Variants in RAB3IP observed in about 807,000 individuals in gnomAD.
RAB3IP encodes RAB3A interacting protein, also known as rab-3A-interacting protein.
RAB3IP carries 36 observed loss-of-function variants against 59.1 expected under a neutral mutation model. The observed-to-expected ratio is 0.61, with a 90% CI of 0.47 to 0.80. RAB3IP has a LOEUF of 0.80. Ranked by LOEUF, RAB3IP falls within the 30% of genes least tolerant of loss-of-function variation. The pLI, the probability that RAB3IP is intolerant of heterozygous loss-of-function variation, is 0.00. For synonymous variants in RAB3IP, 207 were observed against 191.2 expected (o/e 1.08, Z -0.68); for missense variants, 511 against 536.0 (o/e 0.95, Z 0.46).
At chr12:69,796,620 G>A (rs746358724) in intron 6 of RAB3IP, 18 of 627,640 alleles carry the variant, frequency 2.9e-5, no homozygotes, top group African/African-American at 9.1e-5. Context: ...GCATTTTGAC[G>A]AATTATCAAT....
chr12:69,780,169 A>G (rs550136526), intron 3 of RAB3IP, among the ~76,000 whole-genome samples: 2 of 152,150 alleles, frequency 1.3e-5, no homozygotes, highest in South Asian at 4.2e-4. Flanking sequence ...AACGACCCGA[A>G]CCTGGAAGCC....
At chr12:69,795,023 A>G (rs1317649759) in intron 5 of RAB3IP, 118 bp from the exon 6 acceptor site, 1 of 755,106 alleles carries the variant, frequency 1.3e-6, no homozygotes, top group East Asian at 2.7e-5. Flanking sequence ...ACTCCACAGG[A>G]AATACAAATT....
intron 3 of RAB3IP, among the ~76,000 whole-genome samples, chr12:69,761,843 G>A (rs930433251): frequency 1.3e-5 from 2 of 152,178 alleles, no homozygotes; most frequent in Non-Finnish European, 2.9e-5. Context: ...ACACTCTGAA[G>A]CAGATGTTCA....
intron 4 of RAB3IP, among the ~76,000 whole-genome samples, chr12:69,789,864 C>A (rs1415188774): frequency 2.0e-5 from 3 of 152,072 alleles, no homozygotes; most frequent in African/African-American, 7.2e-5. Context: ...GCAGAAAAAG[C>A]ATTTGACAAA....
Position 69,797,359 on chromosome 12 carries a change from G to C in RAB3IP, c.888+2015G>C, listed in dbSNP as rs148503366. 5.1e-3 allele frequency among the ~76,000 whole-genome samples: 780 copies of C among 152,084 alleles called. 3 individuals carry two copies. The highest frequency in any genetic ancestry group is 0.01 in the Middle Eastern group (3 of 294). ...GATTAAATGCTTGTAAAGTGCTTAC[G>C]GTGGTTCCTGGCAGAGTCAGCTCTT... On this transcript the variant is annotated intron_variant, in intron 6 of 10. Transcript: ENST00000247833.
At position 69,748,561 on chromosome 12, in the gene RAB3IP, A is replaced by G. The variant is rs527900511; in HGVS notation, c.-25-6823A>G. 2.6e-5 allele frequency among the ~76,000 whole-genome samples: 4 copies of G among 152,336 alleles called. No homozygotes were observed. The South Asian group carries it at 8.3e-4, about 32-fold the overall frequency. On this transcript the variant is annotated intron_variant, in intron 1 of 10. Coordinates refer to ENST00000247833, the MANE Select transcript of RAB3IP (RefSeq NM_022456.5). ...GATCAGAAGCAAATTGTTTTGATCA[A>G]CTTTTTCTTGTGGTCTGCAGTCTGC...
intron 3 of RAB3IP, among the ~76,000 whole-genome samples, chr12:69,779,792 G>A (rs976234356): frequency 2.6e-5 from 4 of 151,464 alleles, no homozygotes; most frequent in Non-Finnish European, 4.4e-5. Context: ...CAGCTAGTTT[G>A]ATTTTTATTC....
rs78294090 is a variant in RAB3IP, at chr12:69,816,179, G to T, written c.*733G>T. 11,532 of 152,220 alleles carry T rather than the reference G, an allele frequency of 0.076. 520 individuals carry two copies. Among genetic ancestry groups the T allele is most frequent in the South Asian group, 0.13 (633 of 4,824 alleles). The allele number at this position is 152,220 out of a possible 1,614,324, so 9.4% of individuals were successfully genotyped here. ...AAATGAGTTTGACGTGTGTCAAAGG[G>T]GTTTAAAGGGGTGTGGATTGAATGA... On this transcript the variant is annotated 3_prime_UTR_variant, in exon 11 of 11. Coordinates refer to ENST00000247833, the MANE Select transcript of RAB3IP (RefSeq NM_022456.5).
At position 69,810,692 on chromosome 12, in the gene RAB3IP, G is replaced by A. The variant is rs115589718; in HGVS notation, c.1131-2086G>A. Among the ~76,000 whole-genome samples the A allele has an allele frequency of 6.8e-3, 1,033 of 152,158 alleles. 8 individuals carry two copies. Among genetic ancestry groups the A allele is most frequent in the African/African-American group, 0.023 (949 of 41,494 alleles). On this transcript the variant is annotated intron_variant, in intron 8 of 10. Coordinates refer to ENST00000247833, the MANE Select transcript of RAB3IP (RefSeq NM_022456.5). ...TAAGAAAGAAAAGTTAGATTGGGGT[G>A]GGGGGATGGGTAAAGGAGAAAGGAG...
At position 69,795,280 on chromosome 12, in the gene RAB3IP, G is replaced by A; in HGVS notation, c.824G>A (p.Ser275Asn). Reference sequence around the variant, plus strand: ...CATACAAGAAATAAAAGCACAAGCAGTGCTATGAGTGGCAGTCATCAGGAC... The same window carrying A: ...CATACAAGAAATAAAAGCACAAGCAATGCTATGAGTGGCAGTCATCAGGAC... ...KGHTRNKSTS[S>N]AMSGSHQDLS... The change falls in exon 6 of 11, where the codon AGT becomes AAT. Residue 275 changes from serine (S) to asparagine (N), a missense_variant. Transcript: ENST00000247833. 2 of 1,614,108 alleles carry A rather than the reference G, an allele frequency of 1.2e-6. No individual in the cohort carries two copies. The highest frequency in any genetic ancestry group is 1.7e-6 in the Non-Finnish European group (2 of 1,179,996).
intron 3 of RAB3IP, among the ~76,000 whole-genome samples, chr12:69,767,574 A>T (rs1348156656): frequency 5.9e-5 from 9 of 152,242 alleles, no homozygotes; most frequent in Non-Finnish European, 8.8e-5. Flanking sequence ...AATCCCCTTC[A>T]GCCCTAAGTT....
chr12:69,746,461 C>G (rs1193781752), intron 1 of RAB3IP, among the ~76,000 whole-genome samples: 1 of 152,252 alleles, frequency 6.6e-6, no homozygotes, highest in Middle Eastern at 3.4e-3. Context: ...TTTTACTTCT[C>G]TTTGAGACAT....
chr12:69,758,358 G>A (rs1870562086), intron 3 of RAB3IP, among the ~76,000 whole-genome samples: 1 of 151,760 alleles, frequency 6.6e-6, no homozygotes, highest in Non-Finnish European at 1.5e-5. Flanking sequence ...CTTACTGTTT[G>A]TTTTCTGTTT....
chr12:69,810,750 G>A (rs557648390), intron 8 of RAB3IP, among the ~76,000 whole-genome samples: 1 of 152,292 alleles, frequency 6.6e-6, no homozygotes, highest in African/African-American at 2.4e-5. Context: ...CTGATTTGAA[G>A]TGATTGTGGA....
At chr12:69,749,680 G>A (rs2136110836) in intron 1 of RAB3IP, among the ~76,000 whole-genome samples, 1 of 152,310 alleles carries the variant, frequency 6.6e-6, no homozygotes, top group East Asian at 1.9e-4. Flanking sequence ...CAAAGGTTTT[G>A]TCTTTCTCAT....
At chr12:69,810,255 G>A (rs1880205242) in intron 8 of RAB3IP, among the ~76,000 whole-genome samples, 1 of 152,150 alleles carries the variant, frequency 6.6e-6, no homozygotes, top group Admixed American at 6.5e-5. Context: ...TCGTTCCTCT[G>A]GAAGTTTTGT....
At chr12:69,788,695 A>G (rs944185654) in intron 4 of RAB3IP, among the ~76,000 whole-genome samples, 1 of 152,138 alleles carries the variant, frequency 6.6e-6, no homozygotes, top group Non-Finnish European at 1.5e-5. Context: ...ATAACGCTAT[A>G]GACCAAATGG....
chr12:69,800,930 G>A (rs766630098), intron 7 of RAB3IP, among the ~76,000 whole-genome samples: 6 of 152,172 alleles, frequency 3.9e-5, no homozygotes, highest in Non-Finnish European at 5.9e-5. Flanking sequence ...AGAGTTTTAT[G>A]TTAAGTCTTT....
chr12:69,813,892 A>G (rs940120232), intron 10 of RAB3IP, among the ~76,000 whole-genome samples: 1 of 152,062 alleles, frequency 6.6e-6, no homozygotes, highest in Non-Finnish European at 1.5e-5. Flanking sequence ...TCACGCTGAT[A>G]AAAACTTAGT....
Sources: allele counts gnomAD v4.1 joint callset (sites outside exome capture counted in the v4.1 genomes callset), GRCh38; gene constraint gnomAD v4.1.1; transcripts MANE v1.5; gene names NCBI Gene and HGNC (gene_info 2026-07-23, HGNC 2026-07-21).